RCOR2: variants seen among roughly 807,000 people sequenced by gnomAD.
RCOR2 encodes the protein REST corepressor 2.
RCOR2 carries 19 observed loss-of-function variants against 58.9 expected under a neutral mutation model. The observed-to-expected ratio is 0.32, with a 90% CI of 0.23 to 0.47. The LOEUF is 0.47. RCOR2 is among the 20% of genes least tolerant of loss of function. The pLI is 1.00. For missense variants in RCOR2, 590 were observed against 707.9 expected (o/e 0.83, Z 1.89); for synonymous variants, 286 against 278.7 (o/e 1.03, Z -0.26).
chr11:63,912,909 T>A lies in RCOR2; in HGVS notation c.930A>T (p.Gln310His). Residue 310 changes from glutamine to histidine, a missense_variant, in exon 9 of 12, where the codon CAA becomes CAT. Around this residue, in one of 3 missense-constraint regions of RCOR2, gnomAD observed 390 missense variants for 478.7 expected, o/e 0.81. Transcript: ENST00000301459. ...SMKQTNSSLR[Q>H]ALEGGIDPLR... ...GTGGATCAATACCGCCCTCCAGGGCTTGGCGCAGGCTGCTGTTCGTCTGCT... is the reference window on the plus strand; with the variant it reads ...GTGGATCAATACCGCCCTCCAGGGCATGGCGCAGGCTGCTGTTCGTCTGCT... 6.2e-7 allele frequency: 1 copy of A among 1,613,724 alleles called. No individual in the cohort carries two copies. Among genetic ancestry groups the A allele is most frequent in the East Asian group, 2.2e-5 (1 of 44,872 alleles).
intron 8 of RCOR2, among the ~76,000 whole-genome samples, chr11:63,913,360 AT>A (rs578247106): frequency 4.2e-5 from 6 of 143,370 alleles, no homozygotes; most frequent in South Asian, 2.2e-4. Flanking sequence ...CTAATTTTGT[AT>A]TTTTTTTTAG....
In RCOR2 at chr11:63,911,864, C is replaced by T. The variant is rs1442039040; in HGVS notation, c.*1G>A. 4 of 1,472,012 alleles carry T rather than the reference C, an allele frequency of 2.7e-6. No individual in the cohort carries two copies. The Admixed American group carries it at 8.6e-5, about 32-fold the overall frequency. The allele number at this position is 1,472,012 out of a possible 1,614,324, so 91.2% of individuals were successfully genotyped here. A position where few individuals can be genotyped will look rare whatever the true frequency, so the allele number is the denominator to read the frequency against. ...CCGTGGTTGGTGGAGGACGTCAGGG[C>T]TCAGAGTGAGGGTGCTGGGGGCTCC... On this transcript the variant is annotated 3_prime_UTR_variant, in exon 12 of 12. Coordinates refer to ENST00000301459, the MANE Select transcript of RCOR2 (RefSeq NM_173587.4).
chr11:63,927,156 T>G, the RCOR2 span, among the ~76,000 whole-genome samples: 1 of 152,078 alleles, frequency 6.6e-6, no homozygotes, highest in African/African-American at 2.4e-5. Context: ...GCTGTCTAAT[T>G]CTTACTTACC....
chr11:63,920,041 G>A (rs1590739052), upstream of RCOR2, among the ~76,000 whole-genome samples: 1 of 152,196 alleles, frequency 6.6e-6, no homozygotes, highest in Non-Finnish European at 1.5e-5. Context: ...CCCACTCAGC[G>A]CCCTTGCCAC....
At chr11:63,927,124 A>G in the RCOR2 span, among the ~76,000 whole-genome samples, 16 of 152,226 alleles carry the variant, frequency 1.1e-4, no homozygotes, top group African/African-American at 3.9e-4. Flanking sequence ...TACAGGCATG[A>G]ACCACTGTGC....
chr11:63,917,495 G>C (rs1487574933), upstream of RCOR2, among the ~76,000 whole-genome samples: 1 of 152,066 alleles, frequency 6.6e-6, no homozygotes, highest in East Asian at 1.9e-4. Flanking sequence ...TGCCCCGGGG[G>C]CCCTGGGGCC....
intron 2 of RCOR2, 106 bp from the exon 3 acceptor site, chr11:63,915,364 GC>G: frequency 8.5e-7 from 1 of 1,181,490 alleles, no homozygotes; most frequent in Non-Finnish European, 1.2e-6. Flanking sequence ...GGAGGTTGAG[GC>G]CCAGAAGGGA....
In RCOR2 at chr11:63,912,722, C is replaced by T. The variant is rs373594298; in HGVS notation, c.981G>A (p.Lys327=). The change falls in exon 10 of 12, where the codon AAG becomes AAA. Residue 327 remains lysine, a synonymous_variant. Transcript: ENST00000301459. Reference sequence around the variant, plus strand: ...CATCTGTGGTCCAGCGGGAGTTGAACTTGGTGTTGGCCTGGAAAGCAAGGA... The same window carrying T: ...CATCTGTGGTCCAGCGGGAGTTGAATTTGGTGTTGGCCTGGAAAGCAAGGA... ...DPLRPPEANT[K]FNSRWTTDEQ... is the part of the protein sequence containing the mutation. 1 of 1,614,132 alleles carries T rather than the reference C, an allele frequency of 6.2e-7. No homozygotes were observed. Among genetic ancestry groups the T allele is most frequent in the Admixed American group, 1.7e-5 (1 of 60,026 alleles).
chr11:63,914,800 A>G lies in RCOR2; in HGVS notation c.335T>C (p.Leu112Pro). 4 of 1,610,560 alleles carry G rather than the reference A, an allele frequency of 2.5e-6. No individual in the cohort carries two copies. Among genetic ancestry groups the G allele is most frequent in the Non-Finnish European group, 3.4e-6 (4 of 1,178,196 alleles). ...CTTCTCCACATCGTGCTTATGCCAC[A>G]GAAGCATGCCCAGCGCCTGGCCCGG... ...YNIEQALGML[L>P]WHKHDVEKSL... is the part of the protein sequence containing the mutation. The change falls in exon 5 of 12, where the codon CTG becomes CCG. Residue 112 changes from leucine (L) to proline (P), a missense_variant. By Grantham distance (98) the Leu-to-Pro change is moderately conservative. This residue lies in a region of RCOR2 where 390 missense variants were observed against 478.7 expected (regional missense o/e 0.81). Transcript: ENST00000301459.
chr11:63,917,704 G>A (rs1332038880), upstream of RCOR2, among the ~76,000 whole-genome samples: 2 of 152,182 alleles, frequency 1.3e-5, no homozygotes, highest in East Asian at 3.9e-4. Flanking sequence ...GGATCTGTGG[G>A]TCCCCAAGGG....
At chr11:63,914,566 G>T in intron 5 of RCOR2, 25 bp from the exon 6 acceptor site, 1 of 1,613,226 alleles carries the variant, frequency 6.2e-7, no homozygotes, top group African/African-American at 1.3e-5. Context: ...GCCAGAAGCT[G>T]GGGACCACTC....
chr11:63,912,783 G>C lies in RCOR2; in HGVS notation c.970-50C>G, dbSNP rs537125994. On this transcript the variant is annotated intron_variant, in intron 9 of 11. Coordinates refer to ENST00000301459, the MANE Select transcript of RCOR2 (RefSeq NM_173587.4). ...CTTTAGACTCAAAACCATGCAAATGGAAGCCCTGCTCCCCAAGCAGTACTC... is the reference window on the plus strand; with the variant it reads ...CTTTAGACTCAAAACCATGCAAATGCAAGCCCTGCTCCCCAAGCAGTACTC... The C allele has an allele frequency of 4.1e-4, 660 of 1,609,688 alleles. 2 individuals carry two copies. The highest frequency in any genetic ancestry group is 2.2e-3 in the South Asian group (200 of 91,012).
rs1449630182 is a variant in RCOR2 at position 63,914,561 on chromosome 11, A to C, written c.481-20T>G. On this transcript the variant is annotated intron_variant, in intron 5 of 11. Transcript: ENST00000301459. Reference sequence around the variant, plus strand: ...AGGCAGCTGGAGGAGGCAACGCCAGAAGCTGGGGACCACTCAAGACTCTGG... The same window carrying C: ...AGGCAGCTGGAGGAGGCAACGCCAGCAGCTGGGGACCACTCAAGACTCTGG... The C allele has an allele frequency of 1.2e-6, 2 of 1,613,392 alleles. No individual in the cohort carries two copies. The highest frequency in any genetic ancestry group is 2.2e-5 in the South Asian group (2 of 91,072).
rs766448074 is a variant in RCOR2 at position 63,911,937 on chromosome 11, G to A, written c.1500C>T (p.Ser500=). ...IRPALAAPRH[S]ARPGPQPPPT... is the part of the protein sequence containing the mutation. ...GTGGGGGCTGAGGGCCAGGGCGGGC[G>A]CTGTGGCGGGGGGCAGCCAGAGCGG... The change falls in exon 12 of 12, where the codon AGC becomes AGT. Residue 500 remains serine, a synonymous_variant. Transcript: ENST00000301459. 54 of 1,310,482 alleles carry A rather than the reference G, an allele frequency of 4.1e-5. No individual in the cohort carries two copies. Among genetic ancestry groups the A allele is most frequent in the East Asian group, 5.3e-5 (2 of 37,812 alleles). The allele number at this position is 1,310,482 out of a possible 1,614,324, so 81.2% of individuals were successfully genotyped here.
the RCOR2 span, among the ~76,000 whole-genome samples, chr11:63,924,549 C>T: frequency 6.6e-6 from 1 of 152,110 alleles, no homozygotes; most frequent in African/African-American, 2.4e-5. Context: ...CTCCACTCTT[C>T]CCTCTCCTTT....
At chr11:63,921,918 G>A (rs1941917693), upstream of RCOR2, among the ~76,000 whole-genome samples, 1 of 152,244 alleles carries the variant, frequency 6.6e-6, no homozygotes, top group African/African-American at 2.4e-5. Flanking sequence ...CAAAGTCCAT[G>A]TGTTGGAAAC....
upstream of RCOR2, among the ~76,000 whole-genome samples, chr11:63,919,382 T>A (rs1941901248): frequency 6.6e-6 from 1 of 151,696 alleles, no homozygotes; most frequent in Admixed American, 6.5e-5. Context: ...CCTGGCCATC[T>A]GCTCCCAGCA....
intron 2 of RCOR2, 105 bp downstream of exon 2, chr11:63,915,450 G>A (rs1336953180): frequency 5.4e-6 from 7 of 1,300,830 alleles, no homozygotes; most frequent in Non-Finnish European, 7.6e-6. Flanking sequence ...ACCCCTGCCA[G>A]CCTGCCCTTC....
At position 63,912,093 on chromosome 11, in the gene RCOR2, C is replaced by T. The variant is rs1440049057; in HGVS notation, c.1344G>A (p.Gln448=). Residue 448 remains glutamine, a synonymous_variant, in exon 12 of 12, where the codon CAG becomes CAA. Coordinates refer to ENST00000301459, the MANE Select transcript of RCOR2 (RefSeq NM_173587.4). ...AAGGTGGCCTCAGCAGCGGGGGTGG[C>T]TGGGACAGCGAGGTGGGAGGTGGAG... ...PPPPPPTSLS[Q]PPPLLRPPLP... The T allele has an allele frequency of 9.3e-6, 11 of 1,176,930 alleles. No individual in the cohort carries two copies. The highest frequency in any genetic ancestry group is 3.2e-4 in the Middle Eastern group (1 of 3,146). 72.9% of individuals were successfully genotyped at this position (1,176,930 alleles called of 1,614,324 possible). A position where few individuals can be genotyped will look rare whatever the true frequency, so the allele number is the denominator to read the frequency against.
Sources: gnomAD v4.1 joint callset for allele counts (sites outside exome capture counted in the v4.1 genomes callset) on GRCh38, gnomAD v4.1.1 for gene constraint, gnomAD v4.1.1 regional missense constraint, MANE v1.5 for transcripts, NCBI Gene and HGNC (gene_info 2026-07-23, HGNC 2026-07-21) for gene names.